The following PUDP variants were observed in gnomAD, a reference collection of about 807,000 sequenced individuals.
PUDP encodes the protein pseudouridine 5'-phosphatase, also known as pseudouridine-5'-phosphatase.
PUDP carries 8 observed loss-of-function variants against 9.4 expected under a neutral mutation model. That is an observed-to-expected ratio of 0.85 (90% CI 0.50 to 1.53). The LOEUF is 1.53. PUDP is among the 40% of genes most tolerant of loss of function. The pLI is 0.00. For missense variants in PUDP, 188 were observed against 189.7 expected, an observed-to-expected ratio of 0.99 and a Z score of 0.05; for synonymous variants, 99 against 80.7, an observed-to-expected ratio of 1.23 and a Z score of -1.22.
At chrX:6,914,538 C>A (rs1161246730) in intron 3 of PUDP, among the ~76,000 whole-genome samples, 1 of 112,052 alleles carries the variant, frequency 8.9e-6, no homozygotes, top group Non-Finnish European at 1.9e-5. Flanking sequence ...GTTTAAAAGT[C>A]AGTCAGTTCG....
intron 3 of PUDP, 34 bp downstream of exon 3, chrX:7,077,186 T>C (rs1930933333): frequency 1.7e-6 from 2 of 1,168,290 alleles, no homozygotes; most frequent in East Asian, 6.4e-5. Context: ...AACATGGTTG[T>C]GGAACACGGC....
rs1244176794 is a variant in PUDP at position 6,832,380 on chromosome X, C to T, written c.*248-125914G>A. ...CTCAAATAGCATCCTCTACTTTGGA[C>T]CTACAAAGGACAAGGTTGGGGACAG... is the stretch of plus-strand genomic sequence containing the variant. On this transcript the variant is annotated intron_variant and NMD_transcript_variant, in intron 3 of 3. Transcript: ENST00000655425. 9.8e-5 allele frequency among the ~76,000 whole-genome samples: 11 copies of T among 112,057 alleles called. 1 individual carries two copies. The highest frequency in any genetic ancestry group is 1.9e-4 in the Non-Finnish European group (10 of 53,219).
At chrX:7,131,345 C>T (rs1291437726) in intron 1 of PUDP, among the ~76,000 whole-genome samples, 1 of 110,513 alleles carries the variant, frequency 9.0e-6, no homozygotes, top group Non-Finnish European at 1.9e-5. Context: ...CCCTAGGGCC[C>T]GAGAATCGGA....
intron 2 of PUDP, among the ~76,000 whole-genome samples, chrX:7,078,004 G>C (rs1284908511): frequency 2.7e-5 from 3 of 112,555 alleles, no homozygotes; most frequent in Non-Finnish European, 5.6e-5. Context: ...GGCTGTGGCT[G>C]AGGGACTGCT....
chrX:6,791,811 C>T (rs1925754099), intron 3 of PUDP, among the ~76,000 whole-genome samples: 1 of 112,330 alleles, frequency 8.9e-6, no homozygotes, highest in Admixed American at 9.4e-5. Flanking sequence ...TAACCCAAGA[C>T]AGCAGCAATG....
rs184762315 is a variant in PUDP at position 7,067,501 on chromosome X, G to A, written c.510+9719C>T. On this transcript the variant is annotated intron_variant, in intron 3 of 3. Coordinates refer to ENST00000381077, the MANE Select transcript of PUDP (RefSeq NM_012080.5). ...CTGCCAAGAAGCCAGAACACTTACT[G>A]AGCTGTGACCTGGCCAAAGCACAGC... 2.2e-3 allele frequency among the ~76,000 whole-genome samples: 250 copies of A among 111,874 alleles called. 1 individual carries two copies. Among genetic ancestry groups the A allele is most frequent in the African/African-American group, 8.0e-3 (245 of 30,805 alleles).
chrX:6,948,961 C>T (rs771142127), intron 3 of PUDP, among the ~76,000 whole-genome samples: 3 of 112,043 alleles, frequency 2.7e-5, no homozygotes, highest in East Asian at 2.8e-4. Flanking sequence ...GAGCTGTGTT[C>T]GCAATGGGGG....
At chrX:6,976,770 C>A (rs1464124384) in intron 3 of PUDP, among the ~76,000 whole-genome samples, 1 of 111,919 alleles carries the variant, frequency 8.9e-6, no homozygotes, top group Admixed American at 9.5e-5. Flanking sequence ...CATCAAGGGG[C>A]ATCTGACCTC....
intron 3 of PUDP, among the ~76,000 whole-genome samples, chrX:6,845,391 C>A (rs182331581): frequency 1.1e-4 from 12 of 112,165 alleles, no homozygotes; most frequent in Admixed American, 3.8e-4. Context: ...GTTACCTGTG[C>A]CTTAATTCCA....
intron 1 of PUDP, among the ~76,000 whole-genome samples, chrX:7,133,172 C>T (rs1216281281): frequency 1.8e-5 from 2 of 111,499 alleles, no homozygotes; most frequent in East Asian, 2.8e-4. Flanking sequence ...CTAGAGGCCC[C>T]GTTTAAAATA....
chrX:6,989,454 C>T (rs913307771), intron 1 of PUDP: 85 of 159,774 alleles, frequency 5.3e-4, no homozygotes, highest in African/African-American at 2.4e-3. Flanking sequence ...AAAGACTGAT[C>T]TTCGCTGTCA....
chrX:6,763,198 G>T (rs1402373047), intron 3 of PUDP, among the ~76,000 whole-genome samples: 2 of 112,185 alleles, frequency 1.8e-5, no homozygotes, highest in Non-Finnish European at 3.8e-5. Flanking sequence ...AGACCAGTCT[G>T]GCCAACATGG....
At chrX:7,141,626 G>A (rs1344941192) in intron 1 of PUDP, among the ~76,000 whole-genome samples, 1 of 113,136 alleles carries the variant, frequency 8.8e-6, no homozygotes, top group Non-Finnish European at 1.9e-5. Context: ...TAAGATCACC[G>A]ATGAAAGTGG....
chrX:6,871,864 C>G (rs1927179796), intron 3 of PUDP, among the ~76,000 whole-genome samples: 1 of 111,683 alleles, frequency 9.0e-6, no homozygotes, highest in Non-Finnish European at 1.9e-5. Context: ...GCTGCCACAA[C>G]AAAAAACCAT....
intron 1 of PUDP, among the ~76,000 whole-genome samples, chrX:6,995,852 C>T (rs1319696836): frequency 2.8e-5 from 3 of 107,089 alleles, no homozygotes; most frequent in African/African-American, 3.4e-5. Flanking sequence ...ATATGAGAGG[C>T]GCTCACAGGT....
chrX:7,040,414 T>C (rs1929906060), intron 1 of PUDP, among the ~76,000 whole-genome samples: 1 of 111,153 alleles, frequency 9.0e-6, no homozygotes, highest in Non-Finnish European at 1.9e-5. Flanking sequence ...TCTTCACACA[T>C]GGAAAAGCTG....
At chrX:6,891,215 T>A (rs12397948) in intron 3 of PUDP, among the ~76,000 whole-genome samples, 16,455 of 111,370 alleles carry the variant, frequency 0.15, 1,293 homozygotes, top group Non-Finnish European at 0.23. Flanking sequence ...GGAACCTAAC[T>A]CTGTATCTTC....
intron 3 of PUDP, among the ~76,000 whole-genome samples, chrX:6,751,652 C>G (rs1434390693): frequency 2.7e-5 from 3 of 111,575 alleles, no homozygotes; most frequent in Non-Finnish European, 3.8e-5. Context: ...AACCTTTCAT[C>G]TCACTTTAAG....
chrX:6,775,385 T>TA (rs1452849464), intron 3 of PUDP, among the ~76,000 whole-genome samples: 1 of 111,515 alleles, frequency 9.0e-6, no homozygotes, highest in Non-Finnish European at 1.9e-5. Flanking sequence ...TGATTATTGT[T>TA]AAGAGCCCTG....
Sources: allele counts gnomAD v4.1 joint callset (sites outside exome capture counted in the v4.1 genomes callset), GRCh38; gene constraint gnomAD v4.1.1; transcripts MANE v1.5; gene names NCBI Gene and HGNC (gene_info 2026-07-23, HGNC 2026-07-21).